SPEN: variants seen among roughly 807,000 people sequenced by gnomAD.
SPEN encodes the protein spen family transcriptional repressor, also known as msx2-interacting protein.
Under a neutral mutation model 269.9 loss-of-function variants are expected in SPEN, and 18 were observed. The ratio of observed to expected loss-of-function variants is 0.07; its 90% CI spans 0.05 to 0.10. The LOEUF is 0.10. Ranked by LOEUF, SPEN falls within the 10% of genes least tolerant of loss-of-function variation. The pLI is 1.00. For synonymous variants in SPEN, 1,726 were observed against 1,765.7 expected, an observed-to-expected ratio of 0.98 and a Z score of 0.56; for missense variants, 3,822 against 4,631.2, an observed-to-expected ratio of 0.83 and a Z score of 5.07.
Position 15,935,977 on chromosome 1 carries a change from CCCCTGCCCCCGT to C in SPEN, c.9743_9754del (p.Ala3248_Pro3251del). ...GATGCCAAAGCTGCCCCCACCCCCA[CCCCTGCCCCCGT>C]CCCTGTCCCTGTCCCCCTTCCTGCC... On this transcript the variant is annotated inframe_deletion, in exon 11 of 15. Transcript: ENST00000375759. The surrounding 1 kb of genome is among the most constrained non-coding windows in gnomAD (Gnocchi z 7.7). 3 of 1,563,254 alleles carry C rather than the reference CCCCTGCCCCCGT, an allele frequency of 1.9e-6. No individual in the cohort carries two copies. Among genetic ancestry groups the C allele is most frequent in the Non-Finnish European group, 1.7e-6 (2 of 1,157,380 alleles).
At position 15,939,334 on chromosome 1, in the gene SPEN, C is replaced by T. The variant is rs746873132; in HGVS notation, c.10902C>T (p.Phe3634=). ...TGCAGATCTTCCCGCCCTGTGAGTT[C>T]TCTGAGAGTCACCTGTCCCGCCTGG... is the stretch of plus-strand genomic sequence containing the variant. ...YVLQIFPPCE[F]SESHLSRLAP... is the part of the protein sequence containing the mutation. The change falls in exon 15 of 15, where the codon TTC becomes TTT. Residue 3634 remains phenylalanine, a synonymous_variant. Transcript: ENST00000375759. This position sits in a 1 kb window ranked among gnomAD's most constrained non-coding sequence, Gnocchi z 4.1. 8.1e-6 allele frequency: 13 copies of T among 1,605,984 alleles called. No individual in the cohort carries two copies. The highest frequency in any genetic ancestry group is 6.7e-5 in the South Asian group (6 of 89,626).
intron 2 of SPEN, chr1:15,874,255 A>T: frequency 7.3e-7 from 1 of 1,365,666 alleles, no homozygotes; most frequent in African/African-American, 1.5e-5. Flanking sequence ...CTTGTGGTTC[A>T]TCTAAATATC....
Position 15,929,417 on chromosome 1 carries a change from T to G in SPEN, c.3177T>G (p.Thr1059=). Residue 1059 remains threonine (T), a synonymous_variant, in exon 11 of 15, where the codon ACT becomes ACG. Coordinates refer to ENST00000375759, the MANE Select transcript of SPEN (RefSeq NM_015001.3). The surrounding 1 kb of genome is among the most constrained non-coding windows in gnomAD (Gnocchi z 5.8). The part of the protein sequence containing the change: ...SKKIKLDRLN[T]VASPKDCQEL... ...AAATCAAACTGGACAGACTTAATAC[T>G]GTTGCCAGCCCCAAAGACTGTCAGG... 1.2e-6 allele frequency: 2 copies of G among 1,613,784 alleles called. No homozygotes were observed. The highest frequency in any genetic ancestry group is 1.7e-6 in the Non-Finnish European group (2 of 1,179,904).
intron 1 of SPEN, among the ~76,000 whole-genome samples, chr1:15,856,731 C>T (rs2070391954): frequency 6.6e-6 from 1 of 151,636 alleles, no homozygotes; most frequent in Non-Finnish European, 1.5e-5. Context: ...CCATGCCCAG[C>T]TAATTTTTGT....
In SPEN at chr1:15,928,776, C is replaced by A; in HGVS notation, c.2536C>A (p.Gln846Lys). The change falls in exon 11 of 15, where the codon CAA (glutamine) becomes AAA (lysine). Residue 846 changes from glutamine to lysine, a missense_variant. Coordinates refer to ENST00000375759, the MANE Select transcript of SPEN (RefSeq NM_015001.3). The surrounding 1 kb of genome is among the most constrained non-coding windows in gnomAD (Gnocchi z 5.7). ...SETDQENERE[Q>K]SPEKPRSCNK... ...AACGGACCAAGAAAATGAGCGAGAG[C>A]AAAGCCCTGAAAAGCCCAGGAGTTG... 1 of 1,614,026 alleles carries A rather than the reference C, an allele frequency of 6.2e-7. No homozygotes were observed. Among genetic ancestry groups the A allele is most frequent in the Non-Finnish European group, 8.5e-7 (1 of 1,180,036 alleles).
chr1:15,878,102 C>T (rs1337003630), intron 3 of SPEN, among the ~76,000 whole-genome samples: 2 of 151,990 alleles, frequency 1.3e-5, no homozygotes, highest in Non-Finnish European at 2.9e-5. Context: ...TTAAAATGAA[C>T]ACTTAATGTA....
intron 2 of SPEN, chr1:15,873,598 T>C: frequency 1.0e-6 from 1 of 994,740 alleles, no homozygotes; most frequent in Non-Finnish European, 1.2e-6. Context: ...ACAAACAAAT[T>C]GGATTGTAAC....
intron 1 of SPEN, among the ~76,000 whole-genome samples, chr1:15,858,909 A>G (rs547624585): frequency 1.3e-5 from 2 of 152,296 alleles, no homozygotes; most frequent in African/African-American, 4.8e-5. Context: ...GCGCTGCCGC[A>G]CTCTACCCTG....
chr1:15,848,016 C>T lies in SPEN; in HGVS notation c.-52C>T, dbSNP rs1295361654. ...GCCTCCCGGCGCTGACGGTCTCGTA[C>T]GAAGCCGGCGAGGGGGAGCCAGCAG... On this transcript the variant is annotated 5_prime_UTR_variant, in exon 1 of 15. It adds an upstream start codon to the 5' untranslated region. Transcript: ENST00000375759. This position sits in a 1 kb window ranked among gnomAD's most constrained non-coding sequence, Gnocchi z 5.1. 2.3e-5 allele frequency: 30 copies of T among 1,285,066 alleles called. No homozygotes were observed. The highest frequency in any genetic ancestry group is 3.0e-5 in the Non-Finnish European group (29 of 975,420). 79.6% of individuals were successfully genotyped at this position (1,285,066 alleles called of 1,614,324 possible). A position where few individuals can be genotyped will look rare whatever the true frequency, so the allele number is the denominator to read the frequency against.
Position 15,939,257 on chromosome 1 carries a change from A to G in SPEN, c.10864-39A>G, listed in dbSNP as rs750834161. ...AATGGAAGTGGAGTTGTGGGGGTGA[A>G]GACAGACGGTCCCACTTTGCTCTCT... On this transcript the variant is annotated intron_variant, in intron 14 of 14. Transcript: ENST00000375759. The surrounding 1 kb of genome is among the most constrained non-coding windows in gnomAD (Gnocchi z 4.1). 6.6e-7 allele frequency: 1 copy of G among 1,519,220 alleles called. No homozygotes were observed. The highest frequency in any genetic ancestry group is 1.3e-5 in the South Asian group (1 of 77,252). The allele number at this position is 1,519,220 out of a possible 1,614,324, so 94.1% of individuals were successfully genotyped here.
In SPEN at chr1:15,935,660, G is replaced by T. The variant is rs767105647; in HGVS notation, c.9420G>T (p.Pro3140=). The T allele has an allele frequency of 6.2e-7, 1 of 1,613,922 alleles. No homozygotes were observed. The highest frequency in any genetic ancestry group is 1.1e-5 in the South Asian group (1 of 91,068). The change falls in exon 11 of 15, where the codon CCG becomes CCT. Residue 3140 remains proline (P), a synonymous_variant. Coordinates refer to ENST00000375759, the MANE Select transcript of SPEN (RefSeq NM_015001.3). The surrounding 1 kb of genome is among the most constrained non-coding windows in gnomAD (Gnocchi z 7.7). ...EVRAPQRAST[P]QPAPAGVPAL... The stretch of plus-strand genomic sequence containing the variant: ...GGGCCCCACAGCGTGCCAGCACCCC[G>T]CAGCCAGCCCCAGCTGGTGTGCCTG...
In SPEN at chr1:15,932,086, G is replaced by A; in HGVS notation, c.5846G>A (p.Arg1949Gln). The A allele has an allele frequency of 2.5e-6, 4 of 1,614,034 alleles. No individual in the cohort carries two copies. The highest frequency in any genetic ancestry group is 2.2e-5 in the South Asian group (2 of 91,088). Residue 1949 changes from arginine to glutamine, a missense_variant, in exon 11 of 15, where the codon CGG becomes CAG. By Grantham distance (43) the Arg-to-Gln change is conservative. Coordinates refer to ENST00000375759, the MANE Select transcript of SPEN (RefSeq NM_015001.3). The surrounding 1 kb of genome is among the most constrained non-coding windows in gnomAD (Gnocchi z 4.2). ...QEAAAVPTTP[R>Q]RGRPPKTRRR... ...GCTGCAGCGGTTCCCACCACCCCTC[G>A]GAGGGGAAGGCCTCCAAAGACACGC... is the stretch of plus-strand genomic sequence containing the variant.
At chr1:15,911,351 G>C (rs2071010525) in intron 5 of SPEN, 50 bp downstream of exon 5, 1 of 1,488,562 alleles carries the variant, frequency 6.7e-7, no homozygotes. Context: ...CACACTGTTT[G>C]TGTTGCAGTG....
At chr1:15,853,184 A>T (rs927149389) in intron 1 of SPEN, among the ~76,000 whole-genome samples, 1 of 151,288 alleles carries the variant, frequency 6.6e-6, no homozygotes. Context: ...TTATTTTTTT[A>T]TTTTTATTTT....
intron 3 of SPEN, among the ~76,000 whole-genome samples, chr1:15,897,654 G>A (rs1282501043): frequency 2.6e-5 from 4 of 151,242 alleles, no homozygotes; most frequent in African/African-American, 7.3e-5. Flanking sequence ...GGGCCACCAC[G>A]CCTGGCCTAA....
intron 13 of SPEN, 35 bp from the exon 14 acceptor site, chr1:15,938,683 G>T (rs1283597926): frequency 1.3e-6 from 2 of 1,593,094 alleles, no homozygotes; most frequent in Non-Finnish European, 1.7e-6. Context: ...TTGACTAGGA[G>T]GCCCCTGCTC....
intron 10 of SPEN, among the ~76,000 whole-genome samples, chr1:15,926,489 A>C (rs1231995610): frequency 6.6e-6 from 1 of 151,938 alleles, no homozygotes; most frequent in Non-Finnish European, 1.5e-5. Flanking sequence ...CGATGCTTCC[A>C]GTGTTGGAAT....
chr1:15,888,732 A>G (rs1264922592), intron 3 of SPEN, among the ~76,000 whole-genome samples: 2 of 151,726 alleles, frequency 1.3e-5, no homozygotes, highest in Non-Finnish European at 2.9e-5. Flanking sequence ...TTCTGGGTTC[A>G]AGTGATTCTC....
chr1:15,890,182 T>C (rs1202324959), intron 3 of SPEN, among the ~76,000 whole-genome samples: 1 of 152,236 alleles, frequency 6.6e-6, no homozygotes, highest in Non-Finnish European at 1.5e-5. Context: ...AGATGTAGAT[T>C]AGAAATATAT....
Sources: gnomAD v4.1 joint callset for allele counts (sites outside exome capture counted in the v4.1 genomes callset) on GRCh38, gnomAD v4.1.1 for gene constraint, Gnocchi (gnomAD v3.1) non-coding constraint, MANE v1.5 for transcripts, NCBI Gene and HGNC (gene_info 2026-07-23, HGNC 2026-07-21) for gene names.